The following GRXCR1 variants were observed in gnomAD, a reference collection of about 807,000 sequenced individuals.
The protein encoded by GRXCR1 is glutaredoxin and cysteine rich domain containing 1.
In GRXCR1, 27 loss-of-function variants were observed where a neutral mutation model predicts 27.3. The ratio of observed to expected loss-of-function variants is 0.99; its 90% CI spans 0.73 to 1.37. The LOEUF (loss-of-function observed/expected upper bound fraction) is 1.37. GRXCR1 is among the 40% of genes most tolerant of loss of function. GRXCR1 has a pLI of 0.00. For missense variants in GRXCR1, 379 were observed against 354.4 expected, an observed-to-expected ratio of 1.07 and a Z score of -0.56; for synonymous variants, 122 against 131.1, an observed-to-expected ratio of 0.93 and a Z score of 0.47.
chr4:42,986,446 A>G (rs1711726255), intron 2 of GRXCR1, among the ~76,000 whole-genome samples: 1 of 151,938 alleles, frequency 6.6e-6, no homozygotes, highest in Admixed American at 6.6e-5. Context: ...TCTCTGACTC[A>G]TGTTTCTCAT....
intron 2 of GRXCR1, among the ~76,000 whole-genome samples, chr4:43,007,195 G>A (rs2109800286): frequency 6.6e-6 from 1 of 152,276 alleles, no homozygotes; most frequent in Middle Eastern, 3.4e-3. Flanking sequence ...TTCCAATGAG[G>A]CCACCAATGG....
intron 2 of GRXCR1, among the ~76,000 whole-genome samples, chr4:43,001,832 T>C (rs932379682): frequency 5.3e-5 from 6 of 113,260 alleles, no homozygotes; most frequent in Admixed American, 1.9e-4. Flanking sequence ...ATTATTTTCA[T>C]TATTTCAGCA....
intron 2 of GRXCR1, among the ~76,000 whole-genome samples, chr4:42,979,820 T>C (rs1369602667): frequency 6.6e-6 from 1 of 152,048 alleles, no homozygotes; most frequent in Non-Finnish European, 1.5e-5. Flanking sequence ...GATGAAATAC[T>C]TTCTATTACT....
intron 1 of GRXCR1, among the ~76,000 whole-genome samples, chr4:42,902,143 G>T (rs1301292344): frequency 1.3e-5 from 2 of 152,100 alleles, no homozygotes; most frequent in Non-Finnish European, 2.9e-5. Context: ...ACACAGTGTT[G>T]ATCATGGCAA....
At chr4:43,007,326 C>CCTT (rs1712594797) in intron 2 of GRXCR1, among the ~76,000 whole-genome samples, 1 of 152,060 alleles carries the variant, frequency 6.6e-6, no homozygotes, top group African/African-American at 2.4e-5. Flanking sequence ...CCCAGTGAGA[C>CCTT]CTTCATGAAC....
chr4:43,009,774 A>G (rs1427761072), intron 2 of GRXCR1, among the ~76,000 whole-genome samples: 2 of 152,100 alleles, frequency 1.3e-5, no homozygotes, highest in African/African-American at 4.8e-5. Context: ...TCCACCTACT[A>G]TAGTGTCACA....
At chr4:43,004,697 A>G (rs1426482163) in intron 2 of GRXCR1, among the ~76,000 whole-genome samples, 2 of 152,202 alleles carry the variant, frequency 1.3e-5, no homozygotes, top group Non-Finnish European at 2.9e-5. Context: ...AATGGGGCCT[A>G]TAGCCCTTTT....
rs1014021848 is a variant in GRXCR1, at chr4:42,982,051, CCTT to C, written c.627+18921_627+18923del. 1.4e-4 allele frequency among the ~76,000 whole-genome samples: 17 copies of C among 121,636 alleles called. 1 individual carries two copies. In the East Asian group the frequency reaches 1.4e-3, roughly 10 times the overall value. The allele number at this position is 121,636 out of a possible 152,430, so 79.8% of individuals were successfully genotyped here. ...TTTCCACCCCTTTGTCTTTCTTTCT[CCTT>C]CTTTTTTTTTTTTATTATACTTTAA... On this transcript the variant is annotated intron_variant, in intron 2 of 3. Transcript: ENST00000399770.
intron 3 of GRXCR1, among the ~76,000 whole-genome samples, chr4:43,021,055 A>G (rs542376389): frequency 2.0e-5 from 3 of 152,332 alleles, no homozygotes; most frequent in African/African-American, 7.2e-5. Context: ...GTTCTGGGAC[A>G]GCAAATGTGA....
intron 2 of GRXCR1, among the ~76,000 whole-genome samples, chr4:42,982,145 G>C (rs542645905): frequency 6.6e-6 from 1 of 151,288 alleles, no homozygotes; most frequent in Admixed American, 6.6e-5. Flanking sequence ...ATGCTGGTGC[G>C]CTGCACCCAC....
intron 2 of GRXCR1, among the ~76,000 whole-genome samples, chr4:43,019,213 C>G (rs2109806611): frequency 6.6e-6 from 1 of 152,244 alleles, no homozygotes; most frequent in South Asian, 2.1e-4. Context: ...CCTAGCCTAT[C>G]TTTGTTTATT....
intron 2 of GRXCR1, among the ~76,000 whole-genome samples, chr4:42,980,444 T>G (rs1560673450): frequency 6.6e-6 from 1 of 152,042 alleles, no homozygotes; most frequent in Non-Finnish European, 1.5e-5. Flanking sequence ...TTTTTGTAAA[T>G]TTTTTGAAGT....
At chr4:42,935,598 G>C (rs1283282871) in intron 1 of GRXCR1, among the ~76,000 whole-genome samples, 6 of 151,860 alleles carry the variant, frequency 4.0e-5, no homozygotes, top group Non-Finnish European at 1.5e-5. Flanking sequence ...TTAAGATCCA[G>C]ATATACAAAG....
intron 2 of GRXCR1, among the ~76,000 whole-genome samples, chr4:42,981,784 A>G (rs1385970992): frequency 2.0e-5 from 3 of 152,172 alleles, no homozygotes; most frequent in African/African-American, 7.2e-5. Flanking sequence ...GGTTTCTGCT[A>G]GGAAATCTGC....
At chr4:42,980,483 A>G (rs1010603365) in intron 2 of GRXCR1, among the ~76,000 whole-genome samples, 2 of 152,016 alleles carry the variant, frequency 1.3e-5, no homozygotes, top group African/African-American at 2.4e-5. Flanking sequence ...CTAATTTTAT[A>G]TCATTGTAGT....
chr4:42,994,763 A>G (rs943956061), intron 2 of GRXCR1, among the ~76,000 whole-genome samples: 3 of 152,174 alleles, frequency 2.0e-5, no homozygotes, highest in East Asian at 3.9e-4. Flanking sequence ...TTGAAAGTGA[A>G]TAAGCATTGG....
intron 2 of GRXCR1, among the ~76,000 whole-genome samples, chr4:42,966,866 T>G (rs1307194474): frequency 6.6e-6 from 1 of 152,132 alleles, no homozygotes; most frequent in African/African-American, 2.4e-5. Flanking sequence ...TGTTAAGGTC[T>G]TTGGCTCATG....
At chr4:42,948,974 T>G (rs1360295552) in intron 1 of GRXCR1, among the ~76,000 whole-genome samples, 1 of 152,146 alleles carries the variant, frequency 6.6e-6, no homozygotes, top group Non-Finnish European at 1.5e-5. Flanking sequence ...TTGAGATAAA[T>G]TTTTTGTGTT....
At chr4:42,931,969 G>A (rs890550235) in intron 1 of GRXCR1, among the ~76,000 whole-genome samples, 1 of 151,890 alleles carries the variant, frequency 6.6e-6, no homozygotes, top group Admixed American at 6.6e-5. Flanking sequence ...GAGAGGCAGA[G>A]AAACTACCCT....
Sources: gnomAD v4.1 joint callset for allele counts (sites outside exome capture counted in the v4.1 genomes callset) on GRCh38, gnomAD v4.1.1 for gene constraint, MANE v1.5 for transcripts, NCBI Gene and HGNC (gene_info 2026-07-23, HGNC 2026-07-21) for gene names.